The following TENM3 variants were observed in gnomAD, a reference collection of about 807,000 sequenced individuals.
The protein encoded by TENM3 is teneurin-3.
A neutral mutation model predicts 255.1 loss-of-function variants in TENM3; 63 were observed. The ratio of observed to expected loss-of-function variants is 0.25; its 90% CI spans 0.20 to 0.30. The LOEUF (loss-of-function observed/expected upper bound fraction) is 0.30, where lower values mean the gene tolerates loss of function less well. Among genes scored for constraint, TENM3 ranks in the 10% least tolerant of loss-of-function variants. TENM3 has a pLI of 1.00. For synonymous variants in TENM3, 1,306 were observed against 1,322.3 expected, an observed-to-expected ratio of 0.99 and a Z score of 0.27; for missense variants, 2,929 against 3,461.1, an observed-to-expected ratio of 0.85 and a Z score of 3.86.
At chr4:182,049,318 T>A in the TENM3 span, among the ~76,000 whole-genome samples, 1 of 152,102 alleles carries the variant, frequency 6.6e-6, no homozygotes, top group African/African-American at 2.4e-5. Context: ...GAATCAGTAC[T>A]CCCTCTTCTG....
intron 3 of TENM3, among the ~76,000 whole-genome samples, chr4:182,544,728 A>G (rs543712486): frequency 6.6e-6 from 1 of 152,344 alleles, no homozygotes; most frequent in Admixed American, 6.5e-5. Flanking sequence ...AATGGAAAGA[A>G]GGAGACATTC....
chr4:182,559,815 A>G (rs1320230565), intron 3 of TENM3, among the ~76,000 whole-genome samples: 1 of 152,180 alleles, frequency 6.6e-6, no homozygotes, highest in Non-Finnish European at 1.5e-5. Flanking sequence ...GTTAATGGGT[A>G]CAAATAAATA....
chr4:182,334,580 G>A (rs547248665), intron 2 of TENM3, among the ~76,000 whole-genome samples: 1 of 152,158 alleles, frequency 6.6e-6, no homozygotes, highest in East Asian at 1.9e-4. Flanking sequence ...CTGTAATCAT[G>A]TCTATATGAT....
At chr4:181,891,656 C>T in the TENM3 span, among the ~76,000 whole-genome samples, 2 of 152,182 alleles carry the variant, frequency 1.3e-5, no homozygotes, top group Admixed American at 6.5e-5. Context: ...CACCTATATG[C>T]TCATTATTAA....
intron 3 of TENM3, among the ~76,000 whole-genome samples, chr4:182,593,733 A>G (rs1427311168): frequency 6.6e-6 from 1 of 152,094 alleles, no homozygotes; most frequent in African/African-American, 2.4e-5. Context: ...CTCTCATCTC[A>G]CACTCACCTT....
At chr4:182,159,148 C>T (rs1750917188) in intron 1 of TENM3, among the ~76,000 whole-genome samples, 1 of 152,168 alleles carries the variant, frequency 6.6e-6, no homozygotes, top group African/African-American at 2.4e-5. Context: ...GCCCGGGGCC[C>T]CCACACAGCA....
intron 1 of TENM3, among the ~76,000 whole-genome samples, chr4:182,283,189 G>A (rs2150283781): frequency 6.6e-6 from 1 of 152,182 alleles, no homozygotes; most frequent in East Asian, 1.9e-4. Flanking sequence ...ATGTTTAATT[G>A]TGTAATAATT....
At chr4:182,146,940 G>C (rs555143819) in intron 1 of TENM3, among the ~76,000 whole-genome samples, 195 of 152,226 alleles carry the variant, frequency 1.3e-3, no homozygotes, top group Non-Finnish European at 2.2e-3. Context: ...CTATGATTCT[G>C]TAGGCGTGTC....
chr4:181,980,089 C>A, the TENM3 span: 2 of 152,330 alleles, frequency 1.3e-5, no homozygotes, highest in East Asian at 3.9e-4. Context: ...ATCTGTCTTA[C>A]CAGCTTCACC....
At chr4:181,901,559 G>C in the TENM3 span, among the ~76,000 whole-genome samples, 1 of 152,204 alleles carries the variant, frequency 6.6e-6, no homozygotes, top group Non-Finnish European at 1.5e-5. Flanking sequence ...TGTCGTGAGA[G>C]TCTATGAGCT....
chr4:182,252,298 A>G (rs564117337), intron 1 of TENM3, among the ~76,000 whole-genome samples: 2 of 152,250 alleles, frequency 1.3e-5, no homozygotes, highest in African/African-American at 2.4e-5. Context: ...GCTCCTTATG[A>G]GTCAAACAAA....
At chr4:181,649,320 C>G in the TENM3 span, among the ~76,000 whole-genome samples, 3 of 152,294 alleles carry the variant, frequency 2.0e-5, no homozygotes, top group Admixed American at 6.5e-5. Flanking sequence ...CTCTCTCACC[C>G]GTCCATCAAT....
chr4:182,795,488 A>G lies in TENM3; in HGVS notation c.7214-1149A>G, dbSNP rs1579545282. On this transcript the variant is annotated intron_variant, in intron 26 of 27. Transcript: ENST00000511685. ...TTAGGATTTATGTCTCCCCACCACC[A>G]CTACTACCACCCCATTTCAAATAAA... 2.0e-5 allele frequency among the ~76,000 whole-genome samples: 3 copies of G among 152,056 alleles called. No individual in the cohort carries two copies. In the East Asian group the frequency reaches 5.8e-4, roughly 29 times the overall value.
At position 182,237,370 on chromosome 4, in the gene TENM3, G is replaced by GTTTTCTTT. The variant is rs539419782; in HGVS notation, c.-75-86571_-75-86564dup. ...ATATTCCTTTAAACCCAGACATTCTGTTTTCTTTTTTTTGAAACGGAGTCT... is the reference window on the plus strand; with the variant it reads ...ATATTCCTTTAAACCCAGACATTCTGTTTTCTTTTTTTCTTTTTTTTGAAACGGAGTCT... On this transcript the variant is annotated intron_variant, in intron 1 of 2. Coordinates refer to the TENM3 transcript ENST00000512480. Among the ~76,000 whole-genome samples the GTTTTCTTT allele has an allele frequency of 4.5e-3, 454 of 101,686 alleles. 3 individuals are homozygous for GTTTTCTTT. The highest frequency in any genetic ancestry group is 0.022 in the African/African-American group (433 of 19,414). 66.7% of individuals were successfully genotyped at this position (101,686 alleles called of 152,430 possible). A position where few individuals can be genotyped will look rare whatever the true frequency, so the allele number is the denominator to read the frequency against.
chr4:182,207,862 C>T (rs1157753202), intron 1 of TENM3, among the ~76,000 whole-genome samples: 3 of 152,146 alleles, frequency 2.0e-5, no homozygotes, highest in Admixed American at 1.3e-4. Context: ...GCCTTTGGTA[C>T]CTTCTTTTGG....
chr4:181,832,097 G>A, the TENM3 span, among the ~76,000 whole-genome samples: 1 of 150,802 alleles, frequency 6.6e-6, no homozygotes, highest in South Asian at 2.1e-4. Context: ...GGAAGCCATA[G>A]GTAATTATAT....
chr4:181,472,598 A>G, the TENM3 span, among the ~76,000 whole-genome samples: 1 of 149,456 alleles, frequency 6.7e-6, no homozygotes, highest in African/African-American at 2.5e-5. Flanking sequence ...TCCTGACTTG[A>G]AGGGGATGAT....
chr4:181,531,013 T>C, the TENM3 span, among the ~76,000 whole-genome samples: 1 of 152,206 alleles, frequency 6.6e-6, no homozygotes, highest in Admixed American at 6.5e-5. Context: ...CCATTCTTAG[T>C]GACTTTGAGA....
chr4:181,803,601 C>G, the TENM3 span, among the ~76,000 whole-genome samples: 1 of 151,946 alleles, frequency 6.6e-6, no homozygotes, highest in Admixed American at 6.6e-5. Flanking sequence ...ATGGTCCAGG[C>G]CAGTAAGGGG....
Sources: allele counts gnomAD v4.1 joint callset (sites outside exome capture counted in the v4.1 genomes callset), GRCh38; gene constraint gnomAD v4.1.1; transcripts MANE v1.5; gene names NCBI Gene and HGNC (gene_info 2026-07-23, HGNC 2026-07-21).